Variants in SPHKAP observed in about 807,000 individuals in gnomAD.
SPHKAP encodes A-kinase anchor protein SPHKAP.
Under a neutral mutation model 137.5 loss-of-function variants are expected in SPHKAP, and 67 were observed. That is an observed-to-expected ratio of 0.49 (90% CI 0.40 to 0.60). SPHKAP has a LOEUF of 0.60. SPHKAP is among the 20% of genes least tolerant of loss of function. SPHKAP has a pLI of 0.00. For missense variants in SPHKAP, 2,097 were observed against 2,069.3 expected (o/e 1.01, Z -0.26); for synonymous variants, 813 against 785.3 (o/e 1.04, Z -0.59).
intron 2 of SPHKAP, among the ~76,000 whole-genome samples, chr2:228,124,476 C>G (rs1388351747): frequency 1.1e-4 from 17 of 151,056 alleles, no homozygotes; most frequent in Admixed American, 2.0e-4. Context: ...AGCAAACTAT[C>G]TCAAGGACAA....
intron 3 of SPHKAP, among the ~76,000 whole-genome samples, chr2:228,055,760 G>A (rs570664853): frequency 6.6e-6 from 1 of 152,292 alleles, no homozygotes; most frequent in Non-Finnish European, 1.5e-5. Context: ...CTACTCCCAT[G>A]AAAGCTGTGC....
At chr2:228,110,339 TATA>T (rs1423843812) in intron 2 of SPHKAP, among the ~76,000 whole-genome samples, 3 of 151,928 alleles carry the variant, frequency 2.0e-5, no homozygotes, top group Non-Finnish European at 2.9e-5. Flanking sequence ...TAATATAAAA[TATA>T]ATCGCATATC....
Position 228,019,961 on chromosome 2 carries a change from C to T in SPHKAP, c.893G>A (p.Ser298Asn). 6.2e-7 allele frequency: 1 copy of T among 1,614,200 alleles called. No homozygotes were observed. The highest frequency in any genetic ancestry group is 8.5e-7 in the Non-Finnish European group (1 of 1,180,032). Residue 298 changes from serine to asparagine, a missense_variant, in exon 7 of 12, where the codon AGT becomes AAT. Physicochemically the swap from Ser to Asn is conservative, Grantham distance 46. Coordinates refer to ENST00000392056, the MANE Select transcript of SPHKAP (RefSeq NM_001142644.2). ...ENLTKNTALQ[S>N]LDPSAKPSQW... ...TGATGGCTTGGCTGAGGGATCTAGA[C>T]TCTGCAAGGCTGTGTTCTTTGTTAG...
At chr2:228,010,045 C>T (rs984945801) in intron 7 of SPHKAP, among the ~76,000 whole-genome samples, 1 of 152,158 alleles carries the variant, frequency 6.6e-6, no homozygotes, top group African/African-American at 2.4e-5. Context: ...TAGTCTGTGT[C>T]TCCTCACCTC....
At chr2:228,004,904 G>T (rs1291074557) in intron 7 of SPHKAP, among the ~76,000 whole-genome samples, 1 of 152,146 alleles carries the variant, frequency 6.6e-6, no homozygotes, top group Non-Finnish European at 1.5e-5. Context: ...TAGTTTGATT[G>T]CAATTTGCTC....
intron 3 of SPHKAP, among the ~76,000 whole-genome samples, chr2:228,055,642 T>C (rs1696411981): frequency 6.6e-6 from 1 of 152,322 alleles, no homozygotes; most frequent in African/African-American, 2.4e-5. Context: ...GCTCAGAGGT[T>C]AAGGGGAGCT....
Position 228,017,083 on chromosome 2 carries a change from G to A in SPHKAP, c.3771C>T (p.Ala1257=), listed in dbSNP as rs1309972232. The A allele has an allele frequency of 3.7e-6, 6 of 1,614,056 alleles. No homozygotes were observed. The highest frequency in any genetic ancestry group is 4.2e-6 in the Non-Finnish European group (5 of 1,179,994). Residue 1257 remains alanine (A), a synonymous_variant, in exon 7 of 12, where the codon GCC becomes GCT. Transcript: ENST00000392056. ...SRLTVNVPIK[A]NSLDGFAQNC... ...TCTGAGCAAAGCCATCTAAAGAGTTGGCTTTGATGGGCACATTCACTGTCA... is the reference window on the plus strand; with the variant it reads ...TCTGAGCAAAGCCATCTAAAGAGTTAGCTTTGATGGGCACATTCACTGTCA...
intron 11 of SPHKAP, among the ~76,000 whole-genome samples, chr2:227,985,390 T>C (rs1164860454): frequency 6.6e-6 from 1 of 152,124 alleles, no homozygotes; most frequent in Admixed American, 6.5e-5. Flanking sequence ...TGAAAAAAGA[T>C]TGTGAAGAAG....
At chr2:228,033,083 CA>C (rs1437884110) in intron 3 of SPHKAP, among the ~76,000 whole-genome samples, 1 of 152,046 alleles carries the variant, frequency 6.6e-6, no homozygotes, top group Non-Finnish European at 1.5e-5. Context: ...CACAGACTGG[CA>C]AATTGGATAA....
chr2:227,981,739 T>C lies in SPHKAP; in HGVS notation c.5081A>G (p.Asp1694Gly). The change falls in exon 12 of 12, where the codon GAC (aspartate) becomes GGC (glycine). Residue 1694 changes from aspartate (D) to glycine (G), a missense_variant. Coordinates refer to ENST00000392056, the MANE Select transcript of SPHKAP (RefSeq NM_001142644.2). ...EQKDGRLSLF[D>G]WLLELG ...TTATTATCCCAGTTCCAAGAGCCAG[T>C]CAAAGAGACTCAGTCTCCCATCCTT... 6.2e-7 allele frequency: 1 copy of C among 1,613,512 alleles called. No homozygotes were observed. The highest frequency in any genetic ancestry group is 8.5e-7 in the Non-Finnish European group (1 of 1,179,644).
At chr2:228,167,063 G>T (rs898968499) in intron 1 of SPHKAP, among the ~76,000 whole-genome samples, 1 of 152,060 alleles carries the variant, frequency 6.6e-6, no homozygotes, top group Non-Finnish European at 1.5e-5. Flanking sequence ...TGAAAAACCC[G>T]GCCCCATGAT....
rs910713952 is a variant in SPHKAP, at chr2:228,029,750, A to G, written c.247-2207T>C. ...AATAATTGAAACTTTGCCCTTGGAA[A>G]ACTAGTTCAATATCCATCAGTCCTC... On this transcript the variant is annotated intron_variant, in intron 3 of 11. Transcript: ENST00000392056. Among the ~76,000 whole-genome samples the G allele has an allele frequency of 2.4e-4, 36 of 152,298 alleles. 1 individual carries two copies. Among genetic ancestry groups the G allele is most frequent in the Middle Eastern group, 3.4e-3 (1 of 294 alleles).
At chr2:228,029,327 T>G (rs1695192451) in intron 3 of SPHKAP, among the ~76,000 whole-genome samples, 2 of 152,230 alleles carry the variant, frequency 1.3e-5, no homozygotes, top group South Asian at 4.1e-4. Flanking sequence ...GGATCATGGT[T>G]TCTTAGTCCA....
chr2:227,995,189 A>C (rs976620798), intron 8 of SPHKAP, among the ~76,000 whole-genome samples: 1 of 152,258 alleles, frequency 6.6e-6, no homozygotes, highest in Non-Finnish European at 1.5e-5. Context: ...ACAGAGTATC[A>C]AACACACCAG....
intron 11 of SPHKAP, among the ~76,000 whole-genome samples, chr2:227,987,478 G>GTGCCTGGCATTA (rs1693254594): frequency 6.7e-6 from 1 of 149,470 alleles, no homozygotes; most frequent in Non-Finnish European, 1.5e-5. Context: ...GTGTATAACA[G>GTGCCTGGCATTA]TGCCTGGCAT....
chr2:228,171,174 TG>T (rs746532980), intron 1 of SPHKAP, among the ~76,000 whole-genome samples: 17 of 152,244 alleles, frequency 1.1e-4, no homozygotes, highest in Middle Eastern at 3.4e-3. Flanking sequence ...CTTCCAATTT[TG>T]TTTTGGAGAT....
chr2:228,124,235 T>TC (rs1699001565), intron 2 of SPHKAP, among the ~76,000 whole-genome samples: 1 of 152,194 alleles, frequency 6.6e-6, no homozygotes, highest in Non-Finnish European at 1.5e-5. Flanking sequence ...CATTACTGGG[T>TC]ATATACCCAA....
chr2:228,128,978 G>C (rs1182436692), intron 2 of SPHKAP, among the ~76,000 whole-genome samples: 3 of 152,116 alleles, frequency 2.0e-5, no homozygotes, highest in Non-Finnish European at 4.4e-5. Context: ...AGGATTTTTG[G>C]AATAGTAAAT....
intron 3 of SPHKAP, among the ~76,000 whole-genome samples, chr2:228,080,078 T>TTA (rs1697310856): frequency 6.6e-6 from 1 of 152,006 alleles, no homozygotes; most frequent in Non-Finnish European, 1.5e-5. Context: ...GTTTTTTTTT[T>TTA]TATATGAACC....
Sources: gnomAD v4.1 joint callset for allele counts (sites outside exome capture counted in the v4.1 genomes callset) on GRCh38, gnomAD v4.1.1 for gene constraint, MANE v1.5 for transcripts, NCBI Gene and HGNC (gene_info 2026-07-23, HGNC 2026-07-21) for gene names.